Variants in HDAC9 observed in about 807,000 individuals in gnomAD.
HDAC9 encodes the protein histone deacetylase 9.
In HDAC9, 41 loss-of-function variants were observed where a neutral mutation model predicts 139.4. That is an observed-to-expected ratio of 0.29 (90% CI 0.23 to 0.38). The LOEUF is 0.38. Ranked by LOEUF, HDAC9 falls within the 10% of genes least tolerant of loss-of-function variation. The pLI, the probability that HDAC9 is intolerant of heterozygous loss-of-function variation, is 1.00. For synonymous variants in HDAC9, 517 were observed against 476.2 expected, an observed-to-expected ratio of 1.09 and a Z score of -1.12; for missense variants, 1,147 against 1,297.0, an observed-to-expected ratio of 0.88 and a Z score of 1.78.
At chr7:18,492,183 G>C (rs1369042113), upstream of HDAC9, among the ~76,000 whole-genome samples, 1 of 151,934 alleles carries the variant, frequency 6.6e-6, no homozygotes, top group Admixed American at 6.6e-5. Context: ...TTTCAGGATT[G>C]TAGACGTGAG....
intron 1 of HDAC9, among the ~76,000 whole-genome samples, chr7:18,396,196 A>G (rs1787041622): frequency 6.8e-6 from 1 of 146,118 alleles, no homozygotes; most frequent in African/African-American, 2.5e-5. Context: ...ACCGAGGGAC[A>G]TTGTGTGCCA....
chr7:18,180,265 A>ACACACACACCCC (rs1789312365), intron 2 of HDAC9, among the ~76,000 whole-genome samples: 1 of 151,212 alleles, frequency 6.6e-6, no homozygotes, highest in Non-Finnish European at 1.5e-5. Flanking sequence ...ACACACACAC[A>ACACACACACCCC]CACACACACC....
chr7:18,216,534 G>C (rs1329621923), intron 2 of HDAC9, among the ~76,000 whole-genome samples: 1 of 152,062 alleles, frequency 6.6e-6, no homozygotes, highest in African/African-American at 2.4e-5. Context: ...TTATATTATA[G>C]AACTACCCTG....
At chr7:18,494,677 A>G (rs548770998), upstream of HDAC9, among the ~76,000 whole-genome samples, 1 of 152,166 alleles carries the variant, frequency 6.6e-6, no homozygotes, top group South Asian at 2.1e-4. Context: ...TGAACGCCAC[A>G]ATGTGTCTGG....
At chr7:18,202,037 A>T (rs147949143) in intron 2 of HDAC9, among the ~76,000 whole-genome samples, 263 of 152,330 alleles carry the variant, frequency 1.7e-3, no homozygotes, top group Middle Eastern at 3.4e-3. Context: ...AAAGTTGGGA[A>T]AGACTTTTAC....
chr7:18,991,345 T>C (rs1010834420), intron 25 of HDAC9, among the ~76,000 whole-genome samples: 3 of 152,182 alleles, frequency 2.0e-5, no homozygotes, highest in Admixed American at 2.0e-4. Flanking sequence ...ACTGGAAAGA[T>C]AAAGAAGTCA....
At chr7:18,791,188 A>G (rs1448542519) in intron 16 of HDAC9, among the ~76,000 whole-genome samples, 1 of 152,218 alleles carries the variant, frequency 6.6e-6, no homozygotes. Flanking sequence ...CCACTGCTTT[A>G]AGAAATAAAG....
At chr7:18,208,133 C>G (rs1319349753) in intron 2 of HDAC9, among the ~76,000 whole-genome samples, 1 of 152,162 alleles carries the variant, frequency 6.6e-6, no homozygotes, top group Non-Finnish European at 1.5e-5. Context: ...ACTTTCGTTT[C>G]AAAGAACTAG....
At chr7:18,339,339 G>C (rs556066211) in intron 1 of HDAC9, among the ~76,000 whole-genome samples, 2 of 150,800 alleles carry the variant, frequency 1.3e-5, no homozygotes, top group East Asian at 3.9e-4. Flanking sequence ...TTCTAGTTTC[G>C]TAAAGTGGAA....
At chr7:18,149,669 G>T (rs1562677446) in intron 1 of HDAC9, among the ~76,000 whole-genome samples, 1 of 151,922 alleles carries the variant, frequency 6.6e-6, no homozygotes, top group Admixed American at 6.6e-5. Flanking sequence ...TCCCGCCTCA[G>T]CCTCCCAAGT....
chr7:18,154,262 G>T (rs1419098745), intron 1 of HDAC9, among the ~76,000 whole-genome samples: 1 of 151,974 alleles, frequency 6.6e-6, no homozygotes, highest in African/African-American at 2.4e-5. Flanking sequence ...ACAAGCAAAG[G>T]ATAGCACAGT....
chr7:18,706,900 C>G (rs1258886683), intron 12 of HDAC9, among the ~76,000 whole-genome samples: 3 of 152,010 alleles, frequency 2.0e-5, no homozygotes, highest in African/African-American at 7.2e-5. Flanking sequence ...CTTGAGAGCT[C>G]ACAAAAGGAA....
Position 18,566,481 on chromosome 7 carries a change from A to G in HDAC9, c.23-18800A>G, listed in dbSNP as rs778868310. Among the ~76,000 whole-genome samples, 94 of 152,200 alleles carry G rather than the reference A, an allele frequency of 6.2e-4. 2 individuals are homozygous for G. Among genetic ancestry groups the G allele is most frequent in the Non-Finnish European group, 1.8e-4 (12 of 68,040 alleles). On this transcript the variant is annotated intron_variant, in intron 2 of 25. Coordinates refer to ENST00000686413, the MANE Select transcript of HDAC9 (RefSeq NM_178425.4). The stretch of plus-strand genomic sequence containing the variant: ...AGCAGTTGCCTTTTGCATGAGATAT[A>G]CTTTCTGATAAAGACTAAAAAAGTA...
At chr7:18,371,217 T>C (rs918289147) in intron 1 of HDAC9, among the ~76,000 whole-genome samples, 2 of 152,144 alleles carry the variant, frequency 1.3e-5, no homozygotes, top group African/African-American at 4.8e-5. Flanking sequence ...TTTAACGATA[T>C]GTAGGTGCAC....
chr7:18,841,221 T>C lies in HDAC9; in HGVS notation c.2684+5224T>C, dbSNP rs186443140. 1.2e-3 allele frequency among the ~76,000 whole-genome samples: 182 copies of C among 152,234 alleles called. 1 individual carries two copies. Among genetic ancestry groups the C allele is most frequent in the African/African-American group, 4.2e-3 (174 of 41,568 alleles). ...AACTGAAAAAGAGGTTTCTAAATTC[T>C]ATTTAAGAGATAAAATGGGACCACA... On this transcript the variant is annotated intron_variant, in intron 21 of 25. Transcript: ENST00000686413.
intron 1 of HDAC9, among the ~76,000 whole-genome samples, chr7:18,155,046 T>C (rs1455457349): frequency 6.6e-6 from 1 of 152,090 alleles, no homozygotes; most frequent in African/African-American, 2.4e-5. Context: ...TTCTGTCCAG[T>C]GTGTATTTAC....
intron 2 of HDAC9, among the ~76,000 whole-genome samples, chr7:18,218,997 T>G (rs1479422303): frequency 6.6e-6 from 1 of 152,164 alleles, no homozygotes; most frequent in East Asian, 1.9e-4. Context: ...CTGCAGAAAT[T>G]TGTACCCAAA....
chr7:18,949,740 C>T (rs1258142287), intron 23 of HDAC9: 1 of 152,020 alleles, frequency 6.6e-6, no homozygotes, highest in African/African-American at 2.4e-5. Flanking sequence ...GGCTCATGTC[C>T]ACGTCCATCA....
intron 15 of HDAC9, among the ~76,000 whole-genome samples, chr7:18,762,996 T>G (rs1169058991): frequency 6.6e-6 from 1 of 152,180 alleles, no homozygotes; most frequent in Non-Finnish European, 1.5e-5. Flanking sequence ...AATATTGTTT[T>G]ATTAACTTTT....
Sources: gnomAD v4.1 joint callset for allele counts (sites outside exome capture counted in the v4.1 genomes callset) on GRCh38, gnomAD v4.1.1 for gene constraint, MANE v1.5 for transcripts, NCBI Gene and HGNC (gene_info 2026-07-23, HGNC 2026-07-21) for gene names.